Variants in PCCB observed in about 807,000 individuals in gnomAD.
PCCB encodes the protein propionyl-CoA carboxylase subunit beta.
Under a neutral mutation model 60.7 loss-of-function variants are expected in PCCB, and 43 were observed. The ratio of observed to expected loss-of-function variants is 0.71; its 90% CI spans 0.55 to 0.91. The LOEUF (loss-of-function observed/expected upper bound fraction) is 0.91. Among genes scored for constraint, PCCB ranks in the 40% least tolerant of loss-of-function variants. The pLI is 0.00. For synonymous variants in PCCB, 276 were observed against 255.9 expected (o/e 1.08, Z -0.75); for missense variants, 766 against 702.8 (o/e 1.09, Z -1.02).
intron 5 of PCCB, among the ~76,000 whole-genome samples, chr3:136,270,125 A>G (rs1942154508): frequency 6.6e-6 from 1 of 151,356 alleles, no homozygotes; most frequent in Admixed American, 6.6e-5. Flanking sequence ...TGAGATAATC[A>G]TGTGTTTTTT....
At chr3:136,300,468 A>T (rs1316201338) in intron 8 of PCCB, among the ~76,000 whole-genome samples, 1 of 152,144 alleles carries the variant, frequency 6.6e-6, no homozygotes, top group African/African-American at 2.4e-5. Flanking sequence ...CTGCTGAGAC[A>T]CTTGGATGCA....
At chr3:136,314,801 ATTAAAGT>A (rs1331961259) in intron 9 of PCCB, among the ~76,000 whole-genome samples, 1 of 152,226 alleles carries the variant, frequency 6.6e-6, no homozygotes, top group Non-Finnish European at 1.5e-5. Flanking sequence ...TAGATTAATG[ATTAAAGT>A]TTGAAGAACA....
chr3:136,322,188 T>G (rs1935133892), intron 10 of PCCB, among the ~76,000 whole-genome samples: 1 of 152,226 alleles, frequency 6.6e-6, no homozygotes, highest in Admixed American at 6.5e-5. Context: ...TTTTGGATTT[T>G]GTTACATGCT....
At chr3:136,310,708 G>T (rs1451131735) in intron 9 of PCCB, among the ~76,000 whole-genome samples, 1 of 152,170 alleles carries the variant, frequency 6.6e-6, no homozygotes, top group Non-Finnish European at 1.5e-5. Flanking sequence ...TAGTACTTAA[G>T]ATTTCAGTTT....
intron 10 of PCCB, among the ~76,000 whole-genome samples, chr3:136,319,865 C>T (rs1007709987): frequency 5.9e-5 from 9 of 151,966 alleles, no homozygotes; most frequent in African/African-American, 1.9e-4. Flanking sequence ...CTTTTAATTT[C>T]GAGTTAATTT....
intron 5 of PCCB, among the ~76,000 whole-genome samples, chr3:136,272,455 G>A (rs570851040): frequency 9.1e-4 from 138 of 152,168 alleles, no homozygotes; most frequent in African/African-American, 3.1e-3. Context: ...TGAATATCTA[G>A]TGGAATTCAA....
chr3:136,320,251 A>T (rs550947630), intron 10 of PCCB, among the ~76,000 whole-genome samples: 1 of 152,292 alleles, frequency 6.6e-6, no homozygotes, highest in Admixed American at 6.5e-5. Context: ...TGGAATTTTG[A>T]TAGGGATGGT....
At chr3:136,329,237 G>A (rs572032052) in intron 14 of PCCB, among the ~76,000 whole-genome samples, 1 of 152,240 alleles carries the variant, frequency 6.6e-6, no homozygotes, top group South Asian at 2.1e-4. Context: ...TCTTGCCTGG[G>A]ATCACCCACA....
At chr3:136,283,501 A>T (rs1392203703) in intron 5 of PCCB, among the ~76,000 whole-genome samples, 1 of 152,152 alleles carries the variant, frequency 6.6e-6, no homozygotes, top group Non-Finnish European at 1.5e-5. Context: ...GCAGCTTTGC[A>T]CAGATGGGGG....
At chr3:136,287,632 G>A (rs934584098) in intron 6 of PCCB, among the ~76,000 whole-genome samples, 4 of 152,038 alleles carry the variant, frequency 2.6e-5, no homozygotes, top group Admixed American at 2.6e-4. Flanking sequence ...GATGGATTTT[G>A]CTGTGTTGGC....
chr3:136,269,835 G>A (rs1289437294), intron 5 of PCCB, among the ~76,000 whole-genome samples: 32 of 145,794 alleles, frequency 2.2e-4, no homozygotes, highest in South Asian at 4.3e-4. Context: ...GTAGTGAGCC[G>A]AGATCGTGCT....
intron 10 of PCCB, among the ~76,000 whole-genome samples, chr3:136,321,597 A>G (rs1935112773): frequency 6.6e-6 from 1 of 152,202 alleles, no homozygotes; most frequent in Admixed American, 6.5e-5. Context: ...TATCACGAGA[A>G]CAGCGTGAGG....
chr3:136,264,440 G>GTGTGTGTATATATATATATATATA, intron 5 of PCCB, among the ~76,000 whole-genome samples: 5 of 123,782 alleles, frequency 4.0e-5, no homozygotes, highest in African/African-American at 1.5e-4. Context: ...ATGTGTGTGT[G>GTGTGTGTATATATATATATATATA]TATATATGTA....
Position 136,326,808 on chromosome 3 carries a change from T to C in PCCB, c.1096T>C (p.Leu366=), listed in dbSNP as rs779828803. 2 of 1,591,950 alleles carry C rather than the reference T, an allele frequency of 1.3e-6. No individual in the cohort carries two copies. Among genetic ancestry groups the C allele is most frequent in the Admixed American group, 1.7e-5 (1 of 59,986 alleles). Residue 366 remains leucine, a synonymous_variant, in exon 11 of 15, where the codon TTG becomes CTG. Coordinates refer to ENST00000251654, the MANE Select transcript of PCCB (RefSeq NM_000532.5). ...GATAATCTCTCTCTTTCTAGGATGCTTGGATATTAATTCATCTGTGAAAGG... is the reference window on the plus strand; with the variant it reads ...GATAATCTCTCTCTTTCTAGGATGCCTGGATATTAATTCATCTGTGAAAGG... ...GNQPKVASGC[L]DINSSVKGAR...
chr3:136,264,440 G>GTGTGTATATATATA lies in PCCB; in HGVS notation c.543+2376_543+2377insGTGTATATATATAT. Reference sequence around the variant, plus strand: ...CTGTCTCTCATATATATGTGTGTGTGTATATATGTATATATATATATGTTC... The same window carrying GTGTGTATATATATA: ...CTGTCTCTCATATATATGTGTGTGTGTGTGTATATATATATATATATGTATATATATATATGTTC... On this transcript the variant is annotated intron_variant, in intron 5 of 14. Transcript: ENST00000251654. 6.6e-4 allele frequency among the ~76,000 whole-genome samples: 82 copies of GTGTGTATATATATA among 123,820 alleles called. 4 individuals carry two copies. The highest frequency in any genetic ancestry group is 2.2e-3 in the African/African-American group (72 of 33,070). 81.2% of individuals were successfully genotyped at this position (123,820 alleles called of 152,430 possible).
chr3:136,262,115 T>C, intron 5 of PCCB, 50 bp downstream of exon 5: 1 of 1,192,756 alleles, frequency 8.4e-7, no homozygotes, highest in Non-Finnish European at 1.2e-6. Flanking sequence ...TTAAGTTCTC[T>C]AAGCCATGGC....
intron 5 of PCCB, among the ~76,000 whole-genome samples, chr3:136,275,821 A>T (rs188897298): frequency 6.6e-5 from 10 of 152,026 alleles, no homozygotes; most frequent in Admixed American, 1.3e-4. Context: ...CTCAGGCTGG[A>T]GTGCAGTGGC....
At chr3:136,257,551 G>T (rs1941705354) in intron 3 of PCCB, among the ~76,000 whole-genome samples, 3 of 152,126 alleles carry the variant, frequency 2.0e-5, no homozygotes. Flanking sequence ...AGAATATGTT[G>T]TGTACTATTT....
chr3:136,282,319 C>CT (rs1267084675), intron 5 of PCCB, among the ~76,000 whole-genome samples: 1 of 152,144 alleles, frequency 6.6e-6, no homozygotes, highest in African/African-American at 2.4e-5. Context: ...AAAATAGTTG[C>CT]TTTAGACAGC....
Sources: allele counts gnomAD v4.1 joint callset (sites outside exome capture counted in the v4.1 genomes callset), GRCh38; gene constraint gnomAD v4.1.1; transcripts MANE v1.5; gene names NCBI Gene and HGNC (gene_info 2026-07-23, HGNC 2026-07-21).